The following RANBP17 variants were observed in gnomAD, a reference collection of about 807,000 sequenced individuals.
The protein encoded by RANBP17 is ran-binding protein 17.
A neutral mutation model predicts 141.2 loss-of-function variants in RANBP17; 158 were observed. That is an observed-to-expected ratio of 1.12 (90% CI 0.98 to 1.28). The LOEUF (loss-of-function observed/expected upper bound fraction) is 1.28. Among genes scored for constraint, RANBP17 ranks in the 50% most tolerant of loss-of-function variants. The pLI, the probability that RANBP17 is intolerant of heterozygous loss-of-function variation, is 0.00. For missense variants in RANBP17, 1,438 were observed against 1,290.7 expected, an observed-to-expected ratio of 1.11 and a Z score of -1.75; for synonymous variants, 430 against 450.0, an observed-to-expected ratio of 0.96 and a Z score of 0.56.
chr5:170,941,084 A>C (rs1043729537), intron 12 of RANBP17, among the ~76,000 whole-genome samples: 16 of 152,178 alleles, frequency 1.1e-4, no homozygotes, highest in Admixed American at 6.5e-5. Context: ...ACAGAAATAC[A>C]ACATTTTTGG....
At chr5:171,125,296 C>CAAAAAAAAA (rs3083436) in intron 14 of RANBP17, among the ~76,000 whole-genome samples, 10 of 85,916 alleles carry the variant, frequency 1.2e-4, no homozygotes, top group African/African-American at 1.8e-4. Context: ...GACTATGTAT[C>CAAAAAAAAA]AAAAAAAAAA....
At position 171,159,292 on chromosome 5, in the gene RANBP17, A is replaced by G. The variant is rs150040742; in HGVS notation, c.1711-10838A>G. Among the ~76,000 whole-genome samples the G allele has an allele frequency of 1.8e-3, 267 of 152,300 alleles. 1 individual carries two copies. Among genetic ancestry groups the G allele is most frequent in the African/African-American group, 5.6e-3 (233 of 41,564 alleles). ...CAGAGTGTGTTGACTGATAATGCCA[A>G]TATCATAAGTTTCATCTCCATACTA... On this transcript the variant is annotated intron_variant, in intron 14 of 27. Transcript: ENST00000523189.
At chr5:171,235,300 C>A (rs1764469671) in intron 22 of RANBP17, among the ~76,000 whole-genome samples, 1 of 146,476 alleles carries the variant, frequency 6.8e-6, no homozygotes, top group Non-Finnish European at 1.5e-5. Flanking sequence ...GAAGTAAGGC[C>A]AAGAGAAGTT....
intron 12 of RANBP17, among the ~76,000 whole-genome samples, chr5:170,934,099 T>C (rs1021644356): frequency 5.1e-4 from 77 of 152,274 alleles, no homozygotes; most frequent in African/African-American, 1.0e-3. Context: ...TGGGTGCTCC[T>C]GTATTGGGTG....
intron 14 of RANBP17, among the ~76,000 whole-genome samples, chr5:171,041,934 C>T (rs1782276681): frequency 6.6e-6 from 1 of 151,920 alleles, no homozygotes; most frequent in African/African-American, 2.4e-5. Flanking sequence ...CATCGTTCTC[C>T]TCCCTGTGTC....
chr5:170,939,363 A>AT (rs879529651), intron 12 of RANBP17, among the ~76,000 whole-genome samples: 42 of 89,482 alleles, frequency 4.7e-4, no homozygotes, highest in African/African-American at 2.3e-3. Flanking sequence ...ATTTTATTTT[A>AT]TTTATTTATT....
At chr5:171,145,543 T>C (rs1472462758) in intron 14 of RANBP17, among the ~76,000 whole-genome samples, 2 of 152,178 alleles carry the variant, frequency 1.3e-5, no homozygotes, top group African/African-American at 2.4e-5. Flanking sequence ...TCCATACTTT[T>C]ATCAACAGCT....
At chr5:171,021,069 A>G (rs1020828270) in intron 14 of RANBP17, among the ~76,000 whole-genome samples, 8 of 152,188 alleles carry the variant, frequency 5.3e-5, no homozygotes, top group Non-Finnish European at 1.5e-5. Context: ...TGGGTTGAAA[A>G]TTCTTTTCTT....
At chr5:171,201,513 C>T (rs1040767580) in intron 19 of RANBP17, among the ~76,000 whole-genome samples, 1 of 152,248 alleles carries the variant, frequency 6.6e-6, no homozygotes, top group Non-Finnish European at 1.5e-5. Flanking sequence ...CATCAAAAGA[C>T]GCCCTGCAGG....
chr5:171,203,107 A>G (rs1013389981), intron 19 of RANBP17, among the ~76,000 whole-genome samples: 1 of 151,994 alleles, frequency 6.6e-6, no homozygotes, highest in Non-Finnish European at 1.5e-5. Flanking sequence ...GACATATCCC[A>G]CTCCCCAAAA....
At chr5:170,880,510 G>A (rs990024898) in intron 2 of RANBP17, among the ~76,000 whole-genome samples, 1 of 152,146 alleles carries the variant, frequency 6.6e-6, no homozygotes, top group Admixed American at 6.6e-5. Context: ...GAGCCACTTG[G>A]AAACTTTGGT....
intron 14 of RANBP17, among the ~76,000 whole-genome samples, chr5:171,153,803 G>A (rs970049891): frequency 5.9e-5 from 9 of 152,052 alleles, no homozygotes; most frequent in African/African-American, 1.9e-4. Flanking sequence ...ATCTTCAGGC[G>A]GATCACCTGA....
chr5:171,165,378 G>A (rs564188309), intron 14 of RANBP17, among the ~76,000 whole-genome samples: 72 of 152,048 alleles, frequency 4.7e-4, no homozygotes, highest in Middle Eastern at 3.4e-3. Flanking sequence ...GGGTTTCACC[G>A]TGTTGCCCAG....
chr5:171,185,510 A>G (rs1761175220), intron 18 of RANBP17, among the ~76,000 whole-genome samples: 1 of 152,242 alleles, frequency 6.6e-6, no homozygotes, highest in African/African-American at 2.4e-5. Flanking sequence ...GTCATATTCT[A>G]AATCTTTTGT....
In RANBP17 at chr5:170,953,592, A is replaced by G. The variant is rs766423746; in HGVS notation, c.1469-5A>G. ...TAAACTTTTTTCTTCCTTATTCTAT[A>G]TTAGGACGTCTTGCATGGCTGGTAT... On this transcript the variant is annotated splice_region_variant and splice_polypyrimidine_tract_variant and intron_variant, in intron 12 of 27. Coordinates refer to ENST00000523189, the MANE Select transcript of RANBP17 (RefSeq NM_022897.5). The G allele has an allele frequency of 6.1e-5, 97 of 1,592,570 alleles. No homozygotes were observed. The highest frequency in any genetic ancestry group is 7.7e-5 in the Non-Finnish European group (90 of 1,164,076).
chr5:170,943,107 T>C (rs1212658246), intron 12 of RANBP17, among the ~76,000 whole-genome samples: 1 of 152,156 alleles, frequency 6.6e-6, no homozygotes, highest in Non-Finnish European at 1.5e-5. Context: ...TTTAGAGATA[T>C]CTGTGGTCTG....
At chr5:170,990,888 G>A (rs1389897496) in intron 14 of RANBP17, among the ~76,000 whole-genome samples, 1 of 151,890 alleles carries the variant, frequency 6.6e-6, no homozygotes, top group Non-Finnish European at 1.5e-5. Context: ...GGATACAATA[G>A]CGTTAGTTGC....
intron 21 of RANBP17, among the ~76,000 whole-genome samples, chr5:171,215,656 G>C (rs1353698874): frequency 6.6e-6 from 1 of 152,136 alleles, no homozygotes; most frequent in African/African-American, 2.4e-5. Flanking sequence ...AATGACTAGT[G>C]ATGATGAGCT....
At chr5:171,052,588 G>C (rs1196958008) in intron 14 of RANBP17, among the ~76,000 whole-genome samples, 1 of 152,118 alleles carries the variant, frequency 6.6e-6, no homozygotes, top group South Asian at 2.1e-4. Flanking sequence ...CTGTATGTCT[G>C]TTCTTACGCT....
Sources: allele counts gnomAD v4.1 joint callset (sites outside exome capture counted in the v4.1 genomes callset), GRCh38; gene constraint gnomAD v4.1.1; transcripts MANE v1.5; gene names NCBI Gene and HGNC (gene_info 2026-07-23, HGNC 2026-07-21).